RAI1: variants seen among roughly 807,000 people sequenced by gnomAD.
RAI1 encodes the protein retinoic acid-induced protein 1.
Under a neutral mutation model 123.8 loss-of-function variants are expected in RAI1, and 9 were observed. The ratio of observed to expected loss-of-function variants is 0.07; its 90% CI spans 0.04 to 0.13. RAI1 has a LOEUF of 0.13. Ranked by LOEUF, RAI1 falls within the 10% of genes least tolerant of loss-of-function variation. The probability of loss-of-function intolerance (pLI) is 1.00; values close to 1 mark genes in which losing one functional copy is unlikely to be tolerated. For synonymous variants in RAI1, 1,231 were observed against 1,127.3 expected (o/e 1.09, Z -1.84); for missense variants, 2,256 against 2,545.8 (o/e 0.89, Z 2.45).
chr17:17,810,512 C>A lies in RAI1; in HGVS notation c.*531C>A. 3.8e-6 allele frequency: 1 copy of A among 265,906 alleles called. No homozygotes were observed. Among genetic ancestry groups the A allele is most frequent in the South Asian group, 3.2e-5 (1 of 31,140 alleles). 16.5% of individuals were successfully genotyped at this position (265,906 alleles called of 1,614,324 possible). A position where few individuals can be genotyped will look rare whatever the true frequency, so the allele number is the denominator to read the frequency against. On this transcript the variant is annotated 3_prime_UTR_variant, in exon 6 of 6. Coordinates refer to ENST00000353383, the MANE Select transcript of RAI1 (RefSeq NM_030665.4). The surrounding 1 kb of genome is among the most constrained non-coding windows in gnomAD (Gnocchi z 4.6). ...TGGACTAGGCGGGGGAGAAAGGAAG[C>A]CTTTCTGAGAGCGGGCTAGGCCGGC...
chr17:17,787,998 GCTCCC>G (rs2031885818), intron 2 of RAI1, among the ~76,000 whole-genome samples: 1 of 152,164 alleles, frequency 6.6e-6, no homozygotes, highest in African/African-American at 2.4e-5. Context: ...CCACACCAGG[GCTCCC>G]CCAACCTCAA....
rs772737234 is a variant in RAI1 at position 17,793,400 on chromosome 17, T to C, written c.452T>C (p.Val151Ala). 3.7e-6 allele frequency: 6 copies of C among 1,613,640 alleles called. No individual in the cohort carries two copies. Among genetic ancestry groups the C allele is most frequent in the Non-Finnish European group, 5.1e-6 (6 of 1,179,980 alleles). The change falls in exon 3 of 6, where the codon GTG becomes GCG. Residue 151 changes from valine to alanine, a missense_variant. Val to Ala is a moderately conservative substitution (Grantham distance 64, BLOSUM62 0). Transcript: ENST00000353383. ...YDENLMKKTA[V>A]PPSRQYAEQG... Reference sequence around the variant, plus strand: ...GAGAACTTGATGAAAAAGACAGCAGTGCCCCCCAGCAGGCAGTATGCAGAG... The same window carrying C: ...GAGAACTTGATGAAAAAGACAGCAGCGCCCCCCAGCAGGCAGTATGCAGAG...
At chr17:17,768,671 G>A (rs571257537) in intron 2 of RAI1, among the ~76,000 whole-genome samples, 7 of 152,350 alleles carry the variant, frequency 4.6e-5, no homozygotes, top group East Asian at 3.9e-4. Context: ...GGTAGCCTGC[G>A]CCCTGCTGAC....
intron 2 of RAI1, among the ~76,000 whole-genome samples, chr17:17,737,422 CT>C (rs1268979727): frequency 6.6e-6 from 1 of 152,164 alleles, no homozygotes; most frequent in Non-Finnish European, 1.5e-5. Flanking sequence ...TTGCCACCCC[CT>C]GGCCCAAAAC....
chr17:17,684,134 A>G (rs1383445151), intron 1 of RAI1: 1 of 152,160 alleles, frequency 6.6e-6, no homozygotes, highest in Non-Finnish European at 1.5e-5. Flanking sequence ...TGGCCTCCCA[A>G]AGTGCTGGGA....
intron 1 of RAI1, among the ~76,000 whole-genome samples, chr17:17,706,501 G>T (rs1048343257): frequency 6.6e-6 from 1 of 152,250 alleles, no homozygotes; most frequent in Non-Finnish European, 1.5e-5. Context: ...AAGAGGAAGA[G>T]CAGGGCCAGG....
rs2032723542 is a variant in RAI1 at position 17,810,588 on chromosome 17, G to T, written c.*607G>T. 1 of 330,826 alleles carries T rather than the reference G, an allele frequency of 3.0e-6. No homozygotes were observed. Among genetic ancestry groups the T allele is most frequent in the African/African-American group, 2.2e-5 (1 of 45,312 alleles). 20.5% of individuals were successfully genotyped at this position (330,826 alleles called of 1,614,324 possible). ...CAAACCGTGCGGAACGCGTCCAGGG[G>T]CCTTCCCGCCCAGCCTTTGCCAGAT... is the stretch of plus-strand genomic sequence containing the variant. On this transcript the variant is annotated 3_prime_UTR_variant, in exon 6 of 6. Transcript: ENST00000353383. This position sits in a 1 kb window ranked among gnomAD's most constrained non-coding sequence, Gnocchi z 4.6.
rs1394210574 is a variant in RAI1, at chr17:17,800,182, C to CTCTCTCTG, written c.5565+1676_5565+1677insGTCTCTCT. Among the ~76,000 whole-genome samples, 1,610 of 31,530 alleles carry CTCTCTCTG rather than the reference C, an allele frequency of 0.051. 6 individuals carry two copies. The highest frequency in any genetic ancestry group is 0.18 in the East Asian group (16 of 90). The allele number at this position is 31,530 out of a possible 152,430, so 20.7% of individuals were successfully genotyped here. ...TCTCCTGCTTTCTGTCTCTCTCTGT[C>CTCTCTCTG]TCTCTCTCTCTCTCTCTCTCTCTCT... On this transcript the variant is annotated intron_variant, in intron 3 of 5. Coordinates refer to ENST00000353383, the MANE Select transcript of RAI1 (RefSeq NM_030665.4). This position sits in a 1 kb window ranked among gnomAD's most constrained non-coding sequence, Gnocchi z 4.7.
At chr17:17,798,606 T>C (rs891844487) in intron 3 of RAI1, 93 bp downstream of exon 3, 11 of 1,551,888 alleles carry the variant, frequency 7.1e-6, no homozygotes, top group South Asian at 2.3e-5. Flanking sequence ...AGTGCTACAG[T>C]GTGGGCCAAA....
At chr17:17,758,185 G>C (rs1009156321) in intron 2 of RAI1, among the ~76,000 whole-genome samples, 2 of 152,172 alleles carry the variant, frequency 1.3e-5, no homozygotes, top group Non-Finnish European at 2.9e-5. Context: ...TGCTGCTCCA[G>C]CGGCCGCATC....
intron 2 of RAI1, among the ~76,000 whole-genome samples, chr17:17,780,095 T>A (rs1297143126): frequency 5.4e-5 from 2 of 37,328 alleles, no homozygotes; most frequent in East Asian, 1.8e-3. Context: ...GACAAGAGTT[T>A]TACTCTTGTC....
intron 2 of RAI1, among the ~76,000 whole-genome samples, chr17:17,733,151 A>G (rs1262844536): frequency 6.6e-6 from 1 of 151,966 alleles, no homozygotes; most frequent in Admixed American, 6.6e-5. Flanking sequence ...GGAGCTTGCC[A>G]CCCTGCTTAG....
At chr17:17,783,076 GCAGCCCC>G (rs1567902438) in intron 2 of RAI1, among the ~76,000 whole-genome samples, 5 of 52 alleles carry the variant, frequency 0.096, no homozygotes, top group African/African-American at 0.23. Flanking sequence ...GGGGCTGGTG[GCAGCCCC>G]CCGCGGTCCC....
intron 1 of RAI1, among the ~76,000 whole-genome samples, chr17:17,696,876 A>G (rs1915055260): frequency 1.3e-5 from 2 of 152,128 alleles, no homozygotes; most frequent in African/African-American, 4.8e-5. Flanking sequence ...GCCTGGGCAC[A>G]CTCAGACCCG....
intron 2 of RAI1, among the ~76,000 whole-genome samples, chr17:17,745,271 G>A (rs1916786854): frequency 6.6e-6 from 1 of 151,806 alleles, no homozygotes; most frequent in African/African-American, 2.4e-5. Flanking sequence ...TATTTGGGAT[G>A]TGCTGACTTT....
chr17:17,781,683 G>A (rs959867585), intron 2 of RAI1, among the ~76,000 whole-genome samples: 2 of 152,230 alleles, frequency 1.3e-5, no homozygotes, highest in African/African-American at 4.8e-5. Context: ...TGCGCCCCTG[G>A]CACTTTCCCA....
At chr17:17,715,950 ACT>A (rs1915701028) in intron 1 of RAI1, among the ~76,000 whole-genome samples, 1 of 152,160 alleles carries the variant, frequency 6.6e-6, no homozygotes, top group African/African-American at 2.4e-5. Flanking sequence ...TGTGCAACAC[ACT>A]GTTACCCATT....
chr17:17,798,036 C>A lies in RAI1; in HGVS notation c.5088C>A (p.Phe1696Leu). 1 of 1,614,140 alleles carries A rather than the reference C, an allele frequency of 6.2e-7. No individual in the cohort carries two copies. Among genetic ancestry groups the A allele is most frequent in the Non-Finnish European group, 8.5e-7 (1 of 1,180,024 alleles). ...GCCTCTGCCAAAACCCGGCCAACTTCAAGGACCTTGGGGACCTCTGTGGGC... is the reference window on the plus strand; with the variant it reads ...GCCTCTGCCAAAACCCGGCCAACTTAAAGGACCTTGGGGACCTCTGTGGGC... ...VCCLCQNPAN[F>L]KDLGDLCGPY... Residue 1696 changes from phenylalanine to leucine, a missense_variant, in exon 3 of 6, where the codon TTC becomes TTA. This residue lies in a region of RAI1 where 243 missense variants were observed against 316.6 expected (regional missense o/e 0.77). Coordinates refer to ENST00000353383, the MANE Select transcript of RAI1 (RefSeq NM_030665.4).
chr17:17,767,844 G>A (rs1310842356), intron 2 of RAI1, among the ~76,000 whole-genome samples: 1 of 152,234 alleles, frequency 6.6e-6, no homozygotes, highest in African/African-American at 2.4e-5. Flanking sequence ...GTTTGTGGCA[G>A]GGTGGGCACA....
Sources: allele counts gnomAD v4.1 joint callset (sites outside exome capture counted in the v4.1 genomes callset), GRCh38; gene constraint gnomAD v4.1.1; regional missense constraint gnomAD v4.1.1; non-coding constraint Gnocchi (gnomAD v3.1); transcripts MANE v1.5; gene names NCBI Gene and HGNC (gene_info 2026-07-23, HGNC 2026-07-21).